TPRA1: variants seen among roughly 807,000 people sequenced by gnomAD.
TPRA1 encodes the protein transmembrane protein adipocyte associated 1.
A neutral mutation model predicts 40.1 loss-of-function variants in TPRA1; 28 were observed. The observed-to-expected ratio is 0.70, with a 90% CI of 0.52 to 0.96. The LOEUF (loss-of-function observed/expected upper bound fraction) is 0.96. TPRA1 is among the 40% of genes least tolerant of loss of function. The pLI, the probability that TPRA1 is intolerant of heterozygous loss-of-function variation, is 0.00. For synonymous variants in TPRA1, 219 were observed against 209.7 expected, an observed-to-expected ratio of 1.04 and a Z score of -0.38; for missense variants, 441 against 482.6, an observed-to-expected ratio of 0.91 and a Z score of 0.81.
At chr3:127,573,862 G>T in intron 10 of TPRA1, 74 bp from the exon 11 acceptor site, 1 of 1,489,834 alleles carries the variant, frequency 6.7e-7, no homozygotes. Flanking sequence ...CAGGCTGATG[G>T]GGCCACCAGA....
intron 10 of TPRA1, 170 bp downstream of exon 10, chr3:127,575,015 T>C: frequency 1.4e-6 from 1 of 695,668 alleles, no homozygotes. Flanking sequence ...TATATCTGTG[T>C]GCATGTGCAT....
Position 127,572,249 on chromosome 3 carries a change from G to A in TPRA1, c.*1272C>T, listed in dbSNP as rs907116215. Among the ~76,000 whole-genome samples, 8 of 152,248 alleles carry A rather than the reference G, an allele frequency of 5.3e-5. No individual in the cohort carries two copies. In the South Asian group the frequency reaches 1.2e-3, roughly 24 times the overall value. On this transcript the variant is annotated 3_prime_UTR_variant, in exon 11 of 11. Transcript: ENST00000355552. ...CCCCCCTAAAAAAAAAAGGCTGATC[G>A]CGGAGGCGGGCAACAGCCTGATCCT...
Position 127,597,489 on chromosome 3 carries a change from T to C in TPRA1, c.-391+518A>G, listed in dbSNP as rs1576408143. On this transcript the variant is annotated intron_variant, in intron 1 of 3. Coordinates refer to the TPRA1 transcript ENST00000462228. ...ACATCTAGCTCTTTTTTGATCCGGATTTTCTCTCCCTCAAGTCTTGTCTGT... is the reference window on the plus strand; with the variant it reads ...ACATCTAGCTCTTTTTTGATCCGGACTTTCTCTCCCTCAAGTCTTGTCTGT... Among the ~76,000 whole-genome samples, 4 of 152,278 alleles carry C rather than the reference T, an allele frequency of 2.6e-5. No homozygotes were observed. The South Asian group carries it at 8.3e-4, about 32-fold the overall frequency.
rs1444342163 is a variant in TPRA1, at chr3:127,576,018, A to G, written c.531T>C (p.His177=). 6.2e-7 allele frequency: 1 copy of G among 1,614,030 alleles called. No individual in the cohort carries two copies. The highest frequency in any genetic ancestry group is 8.5e-7 in the Non-Finnish European group (1 of 1,180,010). Residue 177 remains histidine (H), a synonymous_variant, in exon 7 of 11, where the codon CAT becomes CAC. Transcript: ENST00000355552. This position sits in a 1 kb window ranked among gnomAD's most constrained non-coding sequence, Gnocchi z 4.6. ...GTLEILYPDA[H]LSAEDFNIYG... ...AGATATTAAAGTCCTCAGCTGAGAG[A>G]TGGGCATCAGGGTACAGGATCTCCA...
chr3:127,579,665 A>G lies in TPRA1; in HGVS notation c.258+75T>C, dbSNP rs996789308. The G allele has an allele frequency of 5.3e-6, 8 of 1,522,398 alleles. No homozygotes were observed. In the African/African-American group the frequency reaches 1.1e-4, roughly 21 times the overall value. 94.3% of individuals were successfully genotyped at this position (1,522,398 alleles called of 1,614,324 possible). The stretch of plus-strand genomic sequence containing the variant: ...CCAGCCATACCTGAAGCTTATTTTC[A>G]TTATAGAAGCAGTTAATTCCCTTTT... On this transcript the variant is annotated intron_variant, in intron 3 of 10. Coordinates refer to ENST00000355552, the MANE Select transcript of TPRA1 (RefSeq NM_001136053.4).
chr3:127,588,217 G>C (rs2074059379), intron 1 of TPRA1: 2 of 152,228 alleles, frequency 1.3e-5, no homozygotes, highest in Admixed American at 6.5e-5. Context: ...CCTGATGTGG[G>C]AAATACCCTG....
At chr3:127,591,383 C>A (rs1357489025), upstream of TPRA1, among the ~76,000 whole-genome samples, 2 of 152,238 alleles carry the variant, frequency 1.3e-5, no homozygotes, top group African/African-American at 2.4e-5. Context: ...TTGACCAAAG[C>A]CGCGCAATGA....
Position 127,590,433 on chromosome 3 carries a change from G to A in TPRA1, c.-41C>T, listed in dbSNP as rs953410440. 2.6e-4 allele frequency: 39 copies of A among 148,106 alleles called. No homozygotes were observed. Among genetic ancestry groups the A allele is most frequent in the African/African-American group, 9.4e-4 (39 of 41,316 alleles). 9.2% of individuals were successfully genotyped at this position (148,106 alleles called of 1,614,324 possible). A position where few individuals can be genotyped will look rare whatever the true frequency, so the allele number is the denominator to read the frequency against. Reference sequence around the variant, plus strand: ...ACCTGACAGCCCGGGCCGCGCTCAGGACCGGCCGCCCCGGCCGCCCCGGCC... The same window carrying A: ...ACCTGACAGCCCGGGCCGCGCTCAGAACCGGCCGCCCCGGCCGCCCCGGCC... On this transcript the variant is annotated 5_prime_UTR_variant, in exon 1 of 11. Coordinates refer to ENST00000355552, the MANE Select transcript of TPRA1 (RefSeq NM_001136053.4).
intron 3 of TPRA1, 50 bp downstream of exon 3, chr3:127,579,690 T>C: frequency 1.3e-6 from 2 of 1,597,824 alleles, no homozygotes; most frequent in Non-Finnish European, 1.7e-6. Context: ...AATTCCCTTT[T>C]TGTTTAACCC....
chr3:127,582,655 T>A (rs1372601366), intron 1 of TPRA1, among the ~76,000 whole-genome samples: 1 of 142,648 alleles, frequency 7.0e-6, no homozygotes, highest in Non-Finnish European at 1.5e-5. Flanking sequence ...TGAGCTGAGA[T>A]CGTGCCACTG....
intron 1 of TPRA1, among the ~76,000 whole-genome samples, chr3:127,588,814 G>A (rs988135014): frequency 1.3e-5 from 2 of 152,214 alleles, no homozygotes; most frequent in African/African-American, 2.4e-5. Flanking sequence ...CAATGGCATC[G>A]CCTTCTAAGG....
chr3:127,587,433 G>C (rs1186754832), intron 1 of TPRA1, among the ~76,000 whole-genome samples: 1 of 152,076 alleles, frequency 6.6e-6, no homozygotes, highest in African/African-American at 2.4e-5. Context: ...AGGCCAGTTT[G>C]AGTCTGACTT....
upstream of TPRA1, among the ~76,000 whole-genome samples, chr3:127,592,358 C>T (rs2074188577): frequency 7.0e-6 from 1 of 142,816 alleles, no homozygotes; most frequent in Admixed American, 7.3e-5. Context: ...CGGTGTGGAG[C>T]AACATGCTGT....
At chr3:127,584,857 G>A (rs567137880) in intron 1 of TPRA1, among the ~76,000 whole-genome samples, 19 of 152,000 alleles carry the variant, frequency 1.3e-4, no homozygotes, top group African/African-American at 3.9e-4. Flanking sequence ...CATATGACAC[G>A]AGCAGAGTGA....
At chr3:127,594,072 C>G (rs1054927706), upstream of TPRA1, among the ~76,000 whole-genome samples, 1 of 152,212 alleles carries the variant, frequency 6.6e-6, no homozygotes, top group African/African-American at 2.4e-5. Flanking sequence ...ACATGGAAAA[C>G]TTGATGAGAC....
Position 127,577,074 on chromosome 3 carries a change from C to T in TPRA1, c.261G>A (p.Val87=). 1 of 1,613,404 alleles carries T rather than the reference C, an allele frequency of 6.2e-7. No individual in the cohort carries two copies. The highest frequency in any genetic ancestry group is 8.5e-7 in the Non-Finnish European group (1 of 1,179,998). ...SPIFITFYIL[V]FVVALVGIAR... ...CAATGCCCACCAGCGCCACCACAAACACCTGGTGGGCAAGGGAGTGGTGTG... is the reference window on the plus strand; with the variant it reads ...CAATGCCCACCAGCGCCACCACAAATACCTGGTGGGCAAGGGAGTGGTGTG... The change falls in exon 4 of 11, where the codon GTG becomes GTA. Residue 87 remains valine (V), a splice_region_variant and synonymous_variant. Coordinates refer to ENST00000355552, the MANE Select transcript of TPRA1 (RefSeq NM_001136053.4).
At chr3:127,582,018 A>G (rs2073849444) in intron 1 of TPRA1, among the ~76,000 whole-genome samples, 1 of 152,198 alleles carries the variant, frequency 6.6e-6, no homozygotes, top group African/African-American at 2.4e-5. Context: ...AGTGAGCTGC[A>G]TGCCTGTCAG....
At chr3:127,585,025 T>C (rs1466091986) in intron 1 of TPRA1, among the ~76,000 whole-genome samples, 1 of 152,082 alleles carries the variant, frequency 6.6e-6, no homozygotes, top group African/African-American at 2.4e-5. Flanking sequence ...CCCAGCACAA[T>C]GAGGCCTCCG....
At position 127,571,655 on chromosome 3, in the gene TPRA1, C is replaced by T. The variant is rs1259473405; in HGVS notation, c.*1866G>A. 2 of 152,226 alleles carry T rather than the reference C, an allele frequency of 1.3e-5. No homozygotes were observed. The highest frequency in any genetic ancestry group is 2.4e-5 in the African/African-American group (1 of 41,516). The allele number at this position is 152,226 out of a possible 1,614,324, so 9.4% of individuals were successfully genotyped here. A position where few individuals can be genotyped will look rare whatever the true frequency, so the allele number is the denominator to read the frequency against. ...CAGAAAGAGGGATGATATACACATCCGTTGGTGTGAACACAGGATGGCTCT... is the reference window on the plus strand; with the variant it reads ...CAGAAAGAGGGATGATATACACATCTGTTGGTGTGAACACAGGATGGCTCT... On this transcript the variant is annotated 3_prime_UTR_variant, in exon 11 of 11. Coordinates refer to ENST00000355552, the MANE Select transcript of TPRA1 (RefSeq NM_001136053.4).
Sources: gnomAD v4.1 joint callset for allele counts (sites outside exome capture counted in the v4.1 genomes callset) on GRCh38, gnomAD v4.1.1 for gene constraint, Gnocchi (gnomAD v3.1) non-coding constraint, MANE v1.5 for transcripts, NCBI Gene and HGNC (gene_info 2026-07-23, HGNC 2026-07-21) for gene names.